PAX5: variants seen among roughly 807,000 people sequenced by gnomAD.
PAX5 encodes paired box 5.
Under a neutral mutation model 43.7 loss-of-function variants are expected in PAX5, and 9 were observed. The observed-to-expected ratio is 0.21, with a 90% CI of 0.12 to 0.36. The LOEUF (loss-of-function observed/expected upper bound fraction) is 0.36, where lower values mean the gene tolerates loss of function less well. Ranked by LOEUF, PAX5 falls within the 10% of genes least tolerant of loss-of-function variation. The pLI is 1.00. For missense variants in PAX5, 383 were observed against 532.7 expected, an observed-to-expected ratio of 0.72 and a Z score of 2.77; for synonymous variants, 228 against 214.3, an observed-to-expected ratio of 1.06 and a Z score of -0.56.
intron 6 of PAX5, among the ~76,000 whole-genome samples, chr9:36,962,669 G>C (rs1441287824): frequency 1.3e-5 from 2 of 152,192 alleles, no homozygotes; most frequent in Admixed American, 6.5e-5. Flanking sequence ...CAGAAAAATA[G>C]TGACTTGCTC....
At chr9:36,935,027 G>A (rs1158698818) in intron 6 of PAX5, among the ~76,000 whole-genome samples, 2 of 152,158 alleles carry the variant, frequency 1.3e-5, no homozygotes, top group African/African-American at 4.8e-5. Flanking sequence ...CACGGACATG[G>A]GCCAAACACG....
intron 5 of PAX5, among the ~76,000 whole-genome samples, chr9:36,999,915 T>C (rs1408016037): frequency 1.3e-5 from 2 of 152,010 alleles, no homozygotes; most frequent in African/African-American, 4.8e-5. Flanking sequence ...GGCCCCAGGC[T>C]CTGCCCAGCC....
At chr9:36,985,687 C>T (rs1179475793) in intron 5 of PAX5, among the ~76,000 whole-genome samples, 1 of 152,136 alleles carries the variant, frequency 6.6e-6, no homozygotes, top group Non-Finnish European at 1.5e-5. Context: ...CATGGGGATA[C>T]ACACAGGGGA....
chr9:36,882,502 A>C lies in PAX5; in HGVS notation c.911-397T>G, dbSNP rs556949821. 6.6e-6 allele frequency among the ~76,000 whole-genome samples: 1 copy of C among 152,260 alleles called. No homozygotes were observed. The highest frequency in any genetic ancestry group is 2.1e-4 in the South Asian group (1 of 4,826). On this transcript the variant is annotated intron_variant, in intron 7 of 9. Coordinates refer to ENST00000358127, the MANE Select transcript of PAX5 (RefSeq NM_016734.3). The surrounding 1 kb of genome is among the most constrained non-coding windows in gnomAD (Gnocchi z 4.4). ...CCATCTCCACACTGTTGTTTCTGCT[A>C]TGTCCTTTGTACAAAGTCCCCCTTC...
intron 8 of PAX5, among the ~76,000 whole-genome samples, chr9:36,876,978 C>T (rs1299756757): frequency 6.6e-6 from 1 of 152,154 alleles, no homozygotes; most frequent in African/African-American, 2.4e-5. Context: ...GAAGCATAGC[C>T]CAAGGCAAGC....
rs903075342 is a variant in PAX5, at chr9:36,838,993, A to G, written c.*1567T>C. On this transcript the variant is annotated 3_prime_UTR_variant, in exon 10 of 10. Transcript: ENST00000358127. ...ATATGGGGGACATTGTCACCTAAGAAGGCCAAGCCCCCTCTCATCACTGTC... is the reference window on the plus strand; with the variant it reads ...ATATGGGGGACATTGTCACCTAAGAGGGCCAAGCCCCCTCTCATCACTGTC... The G allele has an allele frequency of 6.4e-5, 15 of 233,204 alleles. No homozygotes were observed. The highest frequency in any genetic ancestry group is 3.1e-4 in the African/African-American group (14 of 45,332). 14.4% of individuals were successfully genotyped at this position (233,204 alleles called of 1,614,324 possible). A position where few individuals can be genotyped will look rare whatever the true frequency, so the allele number is the denominator to read the frequency against.
chr9:36,902,271 C>T (rs558796885), intron 7 of PAX5, among the ~76,000 whole-genome samples: 1 of 152,292 alleles, frequency 6.6e-6, no homozygotes, highest in East Asian at 1.9e-4. Context: ...TATCAGTTCC[C>T]CCTTCTTCCC....
chr9:36,943,107 A>G (rs1832196019), intron 6 of PAX5, among the ~76,000 whole-genome samples: 1 of 152,140 alleles, frequency 6.6e-6, no homozygotes, highest in Non-Finnish European at 1.5e-5. Context: ...TCTCCATCTC[A>G]GTCCCACCGT....
At chr9:36,977,315 G>T (rs950850209) in intron 5 of PAX5, among the ~76,000 whole-genome samples, 2 of 129,174 alleles carry the variant, frequency 1.5e-5, no homozygotes, top group Admixed American at 8.2e-5. Context: ...TTGGGGGGGT[G>T]GGGGGAGGGA....
At chr9:36,856,956 A>C (rs1268030295) in intron 8 of PAX5, among the ~76,000 whole-genome samples, 2 of 152,188 alleles carry the variant, frequency 1.3e-5, no homozygotes, top group African/African-American at 4.8e-5. Context: ...GAATGTTGCC[A>C]GAAGCCCCCA....
chr9:37,025,150 A>C (rs1840212487), intron 1 of PAX5, among the ~76,000 whole-genome samples: 1 of 152,308 alleles, frequency 6.6e-6, no homozygotes, highest in Non-Finnish European at 1.5e-5. Flanking sequence ...TTGGGCTGGG[A>C]CCAGAACAGG....
At chr9:36,887,112 T>C (rs1826967640) in intron 7 of PAX5, among the ~76,000 whole-genome samples, 1 of 152,206 alleles carries the variant, frequency 6.6e-6, no homozygotes, top group South Asian at 2.1e-4. Context: ...GGACTTCAAT[T>C]CAGATCTCAT....
chr9:36,882,916 G>C lies in PAX5; in HGVS notation c.911-811C>G, dbSNP rs548960494. Among the ~76,000 whole-genome samples, 2 of 152,374 alleles carry C rather than the reference G, an allele frequency of 1.3e-5. No individual in the cohort carries two copies. Among genetic ancestry groups the C allele is most frequent in the African/African-American group, 4.8e-5 (2 of 41,596 alleles). ...CATCACTGATTGGCTCCATCACGCAGAGGAAAATTCAATTGCACAGTTTTG... is the reference window on the plus strand; with the variant it reads ...CATCACTGATTGGCTCCATCACGCACAGGAAAATTCAATTGCACAGTTTTG... On this transcript the variant is annotated intron_variant, in intron 7 of 9. Coordinates refer to ENST00000358127, the MANE Select transcript of PAX5 (RefSeq NM_016734.3). This position sits in a 1 kb window ranked among gnomAD's most constrained non-coding sequence, Gnocchi z 4.4.
chr9:36,957,815 C>T (rs941762025), intron 6 of PAX5, among the ~76,000 whole-genome samples: 4 of 152,146 alleles, frequency 2.6e-5, no homozygotes, highest in African/African-American at 9.7e-5. Flanking sequence ...AAGTCCCTGC[C>T]TACCAAGCTC....
chr9:36,994,603 A>G (rs559774204), intron 5 of PAX5, among the ~76,000 whole-genome samples: 2 of 152,322 alleles, frequency 1.3e-5, no homozygotes, highest in Non-Finnish European at 2.9e-5. Context: ...TTTAGAGTTC[A>G]TGCTAAGACT....
chr9:37,033,918 C>T, intron 1 of PAX5, 68 bp downstream of exon 1: 1 of 1,470,206 alleles, frequency 6.8e-7, no homozygotes, highest in African/African-American at 1.4e-5. Flanking sequence ...CAGGGTCACC[C>T]TGCGTGGGGA....
intron 7 of PAX5, among the ~76,000 whole-genome samples, chr9:36,907,515 C>A (rs1315256249): frequency 2.6e-5 from 4 of 152,164 alleles, no homozygotes; most frequent in Non-Finnish European, 4.4e-5. Flanking sequence ...CTGTTCACCT[C>A]TGTCTGAAGC....
At position 36,885,009 on chromosome 9, in the gene PAX5, G is replaced by T. The variant is rs781055189; in HGVS notation, c.911-2904C>A. 2.6e-5 allele frequency among the ~76,000 whole-genome samples: 4 copies of T among 152,194 alleles called. 1 individual carries two copies. In the South Asian group the frequency reaches 6.2e-4, roughly 24 times the overall value. Reference sequence around the variant, plus strand: ...GCCTTGTCCACGGCTCCAGTTTTACGCAGGCACAGTCCCCAGAACCAGAGG... The same window carrying T: ...GCCTTGTCCACGGCTCCAGTTTTACTCAGGCACAGTCCCCAGAACCAGAGG... On this transcript the variant is annotated intron_variant, in intron 7 of 9. Transcript: ENST00000358127.
intron 1 of PAX5, among the ~76,000 whole-genome samples, chr9:37,029,589 C>T (rs1356006123): frequency 6.6e-6 from 1 of 152,222 alleles, no homozygotes; most frequent in African/African-American, 2.4e-5. Context: ...GAATAGACTT[C>T]CTGCACTGGC....
Sources: allele counts gnomAD v4.1 joint callset (sites outside exome capture counted in the v4.1 genomes callset), GRCh38; gene constraint gnomAD v4.1.1; non-coding constraint Gnocchi (gnomAD v3.1); transcripts MANE v1.5; gene names NCBI Gene and HGNC (gene_info 2026-07-23, HGNC 2026-07-21).